SLC38A8: variants seen among roughly 807,000 people sequenced by gnomAD.
SLC38A8 encodes the protein solute carrier family 38 member 8.
A neutral mutation model predicts 46.0 loss-of-function variants in SLC38A8; 65 were observed. That is an observed-to-expected ratio of 1.41 (90% CI 1.16 to 1.74). The LOEUF is 1.74. SLC38A8 is among the 40% of genes most tolerant of loss of function. The pLI, the probability that SLC38A8 is intolerant of heterozygous loss-of-function variation, is 0.00. For synonymous variants in SLC38A8, 447 were observed against 243.7 expected, an observed-to-expected ratio of 1.83 and a Z score of -7.77; for missense variants, 998 against 567.9, an observed-to-expected ratio of 1.76 and a Z score of -7.70.
At chr16:84,038,546 G>C (rs151103644) in intron 2 of SLC38A8, among the ~76,000 whole-genome samples, 83 of 152,310 alleles carry the variant, frequency 5.4e-4, no homozygotes, top group African/African-American at 2.0e-3. Context: ...CCATGCATTA[G>C]AGCTTGATGT....
In SLC38A8 at chr16:84,015,466, G is replaced by T. The variant is rs113848653; in HGVS notation, c.1162+1053C>A. The stretch of plus-strand genomic sequence containing the variant: ...TGAGCCACGTGACTTTCACATATAC[G>T]ATTTTCTTTTTTTAATAAAACAAAA... On this transcript the variant is annotated intron_variant, in intron 9 of 10. Coordinates refer to ENST00000299709, the MANE Select transcript of SLC38A8 (RefSeq NM_001080442.3). Among the ~76,000 whole-genome samples the T allele has an allele frequency of 1.7e-3, 252 of 152,146 alleles. 2 individuals are homozygous for T. The highest frequency in any genetic ancestry group is 8.7e-3 in the South Asian group (42 of 4,810).
intron 7 of SLC38A8, among the ~76,000 whole-genome samples, chr16:84,018,449 G>T (rs1404781681): frequency 6.6e-6 from 1 of 152,002 alleles, no homozygotes; most frequent in African/African-American, 2.4e-5. Flanking sequence ...TCGATCTCCT[G>T]ACCTCGTGAT....
intron 6 of SLC38A8, among the ~76,000 whole-genome samples, chr16:84,027,402 C>A (rs2085177616): frequency 6.6e-6 from 1 of 152,068 alleles, no homozygotes. Context: ...CACTAGAAGT[C>A]CTGGTGTAGC....
chr16:84,017,260 G>A lies in SLC38A8; in HGVS notation c.833C>T (p.Thr278Ile). 1.2e-6 allele frequency: 2 copies of A among 1,614,066 alleles called. No homozygotes were observed. Among genetic ancestry groups the A allele is most frequent in the Non-Finnish European group, 1.7e-6 (2 of 1,180,030 alleles). The change falls in exon 8 of 11, where the codon ACA (threonine) becomes ATA (isoleucine). Residue 278 changes from threonine to isoleucine, a missense_variant. By Grantham distance (89) the Thr-to-Ile change is moderately conservative. Transcript: ENST00000299709. ...TGVYGFLTFG[T>I]EVSADVLMSY... is the part of the protein sequence containing the mutation. ...CATCAAGACGTCAGCAGAAACTTCT[G>A]TCCCAAAAGTCAGGAAGCCATAAAC...
At chr16:84,015,210 A>G (rs991722283) in intron 9 of SLC38A8, among the ~76,000 whole-genome samples, 2 of 152,018 alleles carry the variant, frequency 1.3e-5, no homozygotes, top group Admixed American at 6.6e-5. Context: ...GCCCTGGAAC[A>G]CACCCCCCAC....
chr16:84,027,433 A>G (rs1034860213), intron 6 of SLC38A8, among the ~76,000 whole-genome samples: 2 of 151,998 alleles, frequency 1.3e-5, no homozygotes, highest in African/African-American at 4.8e-5. Context: ...GGGAGTGGAC[A>G]CAACCCCTCT....
At chr16:84,037,434 T>C (rs2085313333) in intron 2 of SLC38A8, among the ~76,000 whole-genome samples, 1 of 152,190 alleles carries the variant, frequency 6.6e-6, no homozygotes, top group African/African-American at 2.4e-5. Flanking sequence ...ACAAGGTCTG[T>C]GACATACTCG....
chr16:84,016,768 G>A (rs373498441), intron 8 of SLC38A8, 41 bp from the exon 9 acceptor site: 2 of 1,587,192 alleles, frequency 1.3e-6, no homozygotes, highest in African/African-American at 2.7e-5. Flanking sequence ...GCATCTCAGG[G>A]GCACCAGCCT....
At chr16:84,026,121 G>C (rs1046799882) in intron 6 of SLC38A8, among the ~76,000 whole-genome samples, 2 of 152,268 alleles carry the variant, frequency 1.3e-5, no homozygotes, top group Non-Finnish European at 2.9e-5. Flanking sequence ...TAGGGGCACA[G>C]CTGAGTCCAA....
At chr16:84,026,598 G>C (rs576567594) in intron 6 of SLC38A8, among the ~76,000 whole-genome samples, 8 of 152,188 alleles carry the variant, frequency 5.3e-5, no homozygotes, top group Non-Finnish European at 1.2e-4. Flanking sequence ...TGGTGGCAGT[G>C]GGCAGTTGCT....
At position 84,017,241 on chromosome 16, in the gene SLC38A8, G is replaced by A. The variant is rs370464719; in HGVS notation, c.852C>T (p.Val284=). 6.2e-7 allele frequency: 1 copy of A among 1,613,984 alleles called. No homozygotes were observed. The highest frequency in any genetic ancestry group is 8.5e-7 in the Non-Finnish European group (1 of 1,180,024). The stretch of plus-strand genomic sequence containing the variant: ...TATCATTGCCTGGGTAGGACATCAA[G>A]ACGTCAGCAGAAACTTCTGTCCCAA... ...LTFGTEVSAD[V]LMSYPGNDMV... Residue 284 remains valine (V), a synonymous_variant, in exon 8 of 11, where the codon GTC becomes GTT. Coordinates refer to ENST00000299709, the MANE Select transcript of SLC38A8 (RefSeq NM_001080442.3).
At position 84,031,940 on chromosome 16, in the gene SLC38A8, G is replaced by A. The variant is rs1331208387; in HGVS notation, c.559C>T (p.Leu187=). Residue 187 remains leucine, a synonymous_variant, in exon 5 of 11, where the codon CTG becomes TTG. Transcript: ENST00000299709. ...SILGTLAACY[L]ALVITVQYYL... ...TACTGCACGGTGATGACCAGGGCCA[G>A]GTAACAGGCAGCCAGAGTGCCTAGG... is the stretch of plus-strand genomic sequence containing the variant. 2 of 1,614,230 alleles carry A rather than the reference G, an allele frequency of 1.2e-6. No individual in the cohort carries two copies. The highest frequency in any genetic ancestry group is 1.7e-6 in the Non-Finnish European group (2 of 1,180,036).
intron 7 of SLC38A8, among the ~76,000 whole-genome samples, chr16:84,020,212 C>T (rs573446884): frequency 1.3e-5 from 2 of 151,464 alleles, no homozygotes; most frequent in South Asian, 4.2e-4. Context: ...ACAATCACAG[C>T]TCATTCCAGC....
intron 7 of SLC38A8, among the ~76,000 whole-genome samples, chr16:84,019,402 T>C (rs1236361395): frequency 6.6e-6 from 1 of 152,186 alleles, no homozygotes; most frequent in Non-Finnish European, 1.5e-5. Context: ...AAATAATTAA[T>C]GTACCAATTT....
At chr16:84,036,571 G>T in intron 3 of SLC38A8, 131 bp downstream of exon 3, 3 of 1,004,272 alleles carry the variant, frequency 3.0e-6, no homozygotes, top group Non-Finnish European at 3.0e-6. Flanking sequence ...TTAGGAACAA[G>T]AGTGTGGTTT....
chr16:84,019,143 C>T (rs1397235744), intron 7 of SLC38A8, among the ~76,000 whole-genome samples: 4 of 151,672 alleles, frequency 2.6e-5, no homozygotes, highest in Admixed American at 1.3e-4. Flanking sequence ...GGCACAATCT[C>T]GACTCACTGC....
intron 6 of SLC38A8, among the ~76,000 whole-genome samples, chr16:84,024,587 C>A (rs2085139021): frequency 6.6e-6 from 1 of 151,970 alleles, no homozygotes; most frequent in Non-Finnish European, 1.5e-5. Flanking sequence ...TCGAGACCAG[C>A]CTGGCCAACA....
chr16:84,029,762 A>T (rs2085216146), intron 5 of SLC38A8, among the ~76,000 whole-genome samples: 1 of 152,212 alleles, frequency 6.6e-6, no homozygotes, highest in Non-Finnish European at 1.5e-5. Context: ...CTTTGCTGAC[A>T]TTTGGTAACA....
At position 84,042,049 on chromosome 16, in the gene SLC38A8, C is replaced by A. The variant is rs528363069; in HGVS notation, c.109G>T (p.Ala37Ser). Reference sequence around the variant, plus strand: ...AAGTTGAGCAGGCCAGCTCCCAGCGCGGACTTCATGAGGATGAAGACAGCG... The same window carrying A: ...AAGTTGAGCAGGCCAGCTCCCAGCGAGGACTTCATGAGGATGAAGACAGCG... Reference protein sequence around the residue: ...MGAVFILMKSALGAGLLNFPW... With the variant: ...MGAVFILMKSSLGAGLLNFPW... Residue 37 changes from alanine (A) to serine (S), a missense_variant, in exon 2 of 11, where the codon GCG becomes TCG. Transcript: ENST00000299709. 1 of 1,613,980 alleles carries A rather than the reference C, an allele frequency of 6.2e-7. No homozygotes were observed. Among genetic ancestry groups the A allele is most frequent in the Non-Finnish European group, 8.5e-7 (1 of 1,179,998 alleles).
Sources: allele counts gnomAD v4.1 joint callset (sites outside exome capture counted in the v4.1 genomes callset), GRCh38; gene constraint gnomAD v4.1.1; transcripts MANE v1.5; gene names NCBI Gene and HGNC (gene_info 2026-07-23, HGNC 2026-07-21).